EDDM13: variants seen among roughly 807,000 people sequenced by gnomAD.
EDDM13 encodes epididymal protein 13.
Under a neutral mutation model 17.8 loss-of-function variants are expected in EDDM13, and 24 were observed. The observed-to-expected ratio is 1.35, with a 90% CI of 0.98 to 1.90. The LOEUF is 1.90. Ranked by LOEUF, EDDM13 falls within the 40% of genes most tolerant of loss-of-function variation. EDDM13 has a pLI of 0.00. For missense variants in EDDM13, 97 were observed against 100.8 expected, an observed-to-expected ratio of 0.96 and a Z score of 0.16; for synonymous variants, 31 against 37.5, an observed-to-expected ratio of 0.83 and a Z score of 0.63.
At chr19:56,282,581 T>A in intron 4 of EDDM13, 82 bp downstream of exon 4, 1 of 867,140 alleles carries the variant, frequency 1.2e-6, no homozygotes, top group Non-Finnish European at 1.4e-6. Flanking sequence ...AACTTCGACT[T>A]ACGTTTCTTC....
chr19:56,291,132 A>G (rs2039482521), intron 9 of EDDM13, among the ~76,000 whole-genome samples: 1 of 152,190 alleles, frequency 6.6e-6, no homozygotes, highest in African/African-American at 2.4e-5. Flanking sequence ...CCGAGCTCAC[A>G]GGACCGTTGC....
chr19:56,285,352 G>A (rs927298277), intron 6 of EDDM13, among the ~76,000 whole-genome samples: 3 of 152,164 alleles, frequency 2.0e-5, no homozygotes, highest in African/African-American at 7.2e-5. Flanking sequence ...CTAGAAGCAA[G>A]CACCATTTCT....
chr19:56,304,147 TGA>T, intron 13 of EDDM13, among the ~76,000 whole-genome samples: 1 of 152,078 alleles, frequency 6.6e-6, no homozygotes, highest in African/African-American at 2.4e-5. Context: ...GCAGACAGAC[TGA>T]GAGGAGGAGA....
At chr19:56,282,036 G>T (rs1363102648) in intron 3 of EDDM13, among the ~76,000 whole-genome samples, 1 of 152,136 alleles carries the variant, frequency 6.6e-6, no homozygotes, top group South Asian at 2.1e-4. Context: ...CAATCTAGGG[G>T]CCTTTGCTCT....
chr19:56,275,944 T>C (rs1301667739), intron 1 of EDDM13, among the ~76,000 whole-genome samples, 148 bp from the exon 2 acceptor site: 4 of 152,336 alleles, frequency 2.6e-5, no homozygotes, highest in African/African-American at 9.6e-5. Flanking sequence ...AGTAGCTTTA[T>C]TGATAGCAGT....
intron 12 of EDDM13, chr19:56,297,907 A>T (rs1443785303): frequency 6.6e-6 from 1 of 152,074 alleles, no homozygotes; most frequent in African/African-American, 2.4e-5. Flanking sequence ...GATGGTGGAG[A>T]TGAGCGTTTT....
chr19:56,281,771 G>A, intron 3 of EDDM13, 73 bp downstream of exon 3: 1 of 917,778 alleles, frequency 1.1e-6, no homozygotes, highest in Non-Finnish European at 1.3e-6. Context: ...GGGAATGAAA[G>A]AGAGAGGCAA....
chr19:56,279,955 G>C (rs891575663), intron 2 of EDDM13, among the ~76,000 whole-genome samples: 2 of 151,980 alleles, frequency 1.3e-5, no homozygotes, highest in African/African-American at 4.8e-5. Context: ...AAAACATCAT[G>C]TTATTTTCAT....
rs146615917 is a variant in EDDM13, at chr19:56,292,753, A to C, written c.232+1907A>C. On this transcript the variant is annotated intron_variant, in intron 9 of 14. Transcript: ENST00000649256. Reference sequence around the variant, plus strand: ...TCTGACCTCAGCCCCGGCAACCACCATTTCACTTTCTGTCTCTGCAAGTTT... The same window carrying C: ...TCTGACCTCAGCCCCGGCAACCACCCTTTCACTTTCTGTCTCTGCAAGTTT... 1.8e-3 allele frequency among the ~76,000 whole-genome samples: 281 copies of C among 151,988 alleles called. 1 individual carries two copies. Among genetic ancestry groups the C allele is most frequent in the Non-Finnish European group, 2.7e-3 (185 of 67,970 alleles).
At chr19:56,292,451 G>GTTTTTTCTTTTTTTTTTT (rs2039574725) in intron 9 of EDDM13, among the ~76,000 whole-genome samples, 1 of 144,696 alleles carries the variant, frequency 6.9e-6, no homozygotes, top group Admixed American at 6.9e-5. Flanking sequence ...TTTTTTGTCT[G>GTTTTTTCTTTTTTTTTTT]TTTTTACTTT....
intron 13 of EDDM13, among the ~76,000 whole-genome samples, chr19:56,302,325 C>CTT (rs372347890): frequency 0.63 from 89,743 of 143,244 alleles, 28,852 homozygotes; most frequent in African/African-American, 0.8. Context: ...TCCCTCCCTC[C>CTT]CCTTCCTCCT....
At chr19:56,289,458 C>A (rs1420791620) in intron 8 of EDDM13, among the ~76,000 whole-genome samples, 1 of 152,154 alleles carries the variant, frequency 6.6e-6, no homozygotes, top group Non-Finnish European at 1.5e-5. Context: ...CGTATTTATA[C>A]TCTAGTTCGG....
intron 6 of EDDM13, among the ~76,000 whole-genome samples, chr19:56,286,881 A>G (rs1315590601): frequency 6.6e-6 from 1 of 152,234 alleles, no homozygotes; most frequent in African/African-American, 2.4e-5. Context: ...CAATACATCC[A>G]TATCTGGAAT....
At chr19:56,281,722 A>G (rs1043696199) in intron 3 of EDDM13, 24 bp downstream of exon 3, 14 of 984,846 alleles carry the variant, frequency 1.4e-5, no homozygotes, top group Non-Finnish European at 1.6e-5. Flanking sequence ...CCTTCTCCCT[A>G]CATAAATGGG....
At chr19:56,302,587 T>C (rs1464346849) in intron 13 of EDDM13, among the ~76,000 whole-genome samples, 64 of 34,354 alleles carry the variant, frequency 1.9e-3, no homozygotes, top group African/African-American at 0.012. Flanking sequence ...CTCCCCCTTT[T>C]CTTCCTCTCC....
intron 14 of EDDM13, among the ~76,000 whole-genome samples, chr19:56,308,271 A>T (rs2147342524): frequency 6.6e-6 from 1 of 151,310 alleles, no homozygotes; most frequent in East Asian, 2.0e-4. Flanking sequence ...TGACCTTGTG[A>T]TCCGCCCGCC....
At chr19:56,309,022 G>A (rs567357077) in intron 14 of EDDM13, among the ~76,000 whole-genome samples, 9 of 152,328 alleles carry the variant, frequency 5.9e-5, no homozygotes, top group South Asian at 2.1e-4. Context: ...CAAAGCAATC[G>A]TAGAGAATAC....
rs1168485188 is a variant in EDDM13, at chr19:56,302,182, G to A, written c.423+87G>A. On this transcript the variant is annotated intron_variant, in intron 13 of 14. Transcript: ENST00000649256. Reference sequence around the variant, plus strand: ...GGGGGCACAGAGGAAGCGAAGGAGGGTGCCTCAGAGGTGCCAAGCAGGAAG... The same window carrying A: ...GGGGGCACAGAGGAAGCGAAGGAGGATGCCTCAGAGGTGCCAAGCAGGAAG... 1.2e-5 allele frequency: 12 copies of A among 1,025,884 alleles called. No homozygotes were observed. In the Admixed American group the frequency reaches 1.3e-4, roughly 11 times the overall value. 63.5% of individuals were successfully genotyped at this position (1,025,884 alleles called of 1,614,324 possible). A position where few individuals can be genotyped will look rare whatever the true frequency, so the allele number is the denominator to read the frequency against.
intron 8 of EDDM13, among the ~76,000 whole-genome samples, chr19:56,290,475 T>C (rs1196643957): frequency 6.6e-6 from 1 of 152,204 alleles, no homozygotes; most frequent in Non-Finnish European, 1.5e-5. Flanking sequence ...AGGGTCTTTG[T>C]TTAAAATTAG....
Sources: allele counts gnomAD v4.1 joint callset (sites outside exome capture counted in the v4.1 genomes callset), GRCh38; gene constraint gnomAD v4.1.1; transcripts MANE v1.5; gene names NCBI Gene and HGNC (gene_info 2026-07-23, HGNC 2026-07-21).